The following GRAMD1B variants were observed in gnomAD, a reference collection of about 807,000 sequenced individuals.
GRAMD1B encodes protein Aster-B.
GRAMD1B carries 37 observed loss-of-function variants against 99.7 expected under a neutral mutation model. The observed-to-expected ratio is 0.37, with a 90% confidence interval of 0.29 to 0.49. The LOEUF (loss-of-function observed/expected upper bound fraction) is 0.49, where lower values mean the gene tolerates loss of function less well. GRAMD1B is among the 20% of genes least tolerant of loss of function. GRAMD1B has a pLI of 0.98. For missense variants in GRAMD1B, 888 were observed against 1,009.2 expected, an observed-to-expected ratio of 0.88 and a Z score of 1.63; for synonymous variants, 427 against 387.6, an observed-to-expected ratio of 1.10 and a Z score of -1.19.
intron 1 of GRAMD1B, among the ~76,000 whole-genome samples, chr11:123,458,068 T>C (rs190919920): frequency 2.6e-5 from 4 of 152,098 alleles, no homozygotes; most frequent in Non-Finnish European, 5.9e-5. Flanking sequence ...CCACGATAAG[T>C]GCGTATGTAT....
chr11:123,614,773 G>C lies in GRAMD1B; in HGVS notation c.2256G>C (p.Glu752Asp), dbSNP rs1214237041. The change falls in exon 17 of 20, where the codon GAG (glutamate) becomes GAC (aspartate). Residue 752 changes from glutamate to aspartate, a missense_variant. By Grantham distance (45) the Glu-to-Asp change is conservative. This residue lies in a region of GRAMD1B where 232 missense variants were observed against 261.7 expected (regional missense o/e 0.89). Transcript: ENST00000635736. ...CCACACAGACGCGGCATATCCCGGAGGACACCCCCAACGGTTTCCACCTGC... is the reference window on the plus strand; with the variant it reads ...CCACACAGACGCGGCATATCCCGGACGACACCCCCAACGGTTTCCACCTGC... The part of the protein sequence containing the change: ...AGSTQTRHIP[E>D]DTPNGFHLQS... 6.2e-7 allele frequency: 1 copy of C among 1,612,424 alleles called. No individual in the cohort carries two copies. The highest frequency in any genetic ancestry group is 8.5e-7 in the Non-Finnish European group (1 of 1,178,522).
intron 1 of GRAMD1B, among the ~76,000 whole-genome samples, chr11:123,421,125 T>C (rs908938765): frequency 7.2e-5 from 11 of 152,210 alleles, no homozygotes; most frequent in Non-Finnish European, 1.5e-5. Context: ...TCAAGTAAAA[T>C]GTATTAGGGT....
At chr11:123,405,500 C>T (rs758554411) in intron 1 of GRAMD1B, among the ~76,000 whole-genome samples, 4 of 152,148 alleles carry the variant, frequency 2.6e-5, no homozygotes, top group Non-Finnish European at 2.9e-5. Context: ...CAGTCAAGGA[C>T]GGGCACAAGG....
Position 123,544,427 on chromosome 11 carries a change from T to C in GRAMD1B, c.453-32940T>C, listed in dbSNP as rs767494082. ...CTAACTCTTTCTACTCTCTACTCTG[T>C]TCTCTTTGTGATTTCTGGGCCAATT... is the stretch of plus-strand genomic sequence containing the variant. On this transcript the variant is annotated intron_variant, in intron 2 of 19. Transcript: ENST00000635736. Among the ~76,000 whole-genome samples the C allele has an allele frequency of 1.2e-3, 178 of 152,344 alleles. 1 individual carries two copies. Among genetic ancestry groups the C allele is most frequent in the Middle Eastern group, 3.4e-3 (1 of 294 alleles).
intron 1 of GRAMD1B, among the ~76,000 whole-genome samples, chr11:123,395,815 T>C (rs534001311): frequency 6.6e-6 from 1 of 152,328 alleles, no homozygotes; most frequent in East Asian, 1.9e-4. Context: ...GGTTAGGTAA[T>C]AAAGAGACCT....
intron 2 of GRAMD1B, among the ~76,000 whole-genome samples, chr11:123,507,178 A>G (rs1247167372): frequency 6.6e-6 from 1 of 152,216 alleles, no homozygotes; most frequent in African/African-American, 2.4e-5. Flanking sequence ...CTATCAGCCC[A>G]GGAATAAAGA....
At chr11:123,359,892 T>A (rs1946080982) in intron 1 of GRAMD1B, among the ~76,000 whole-genome samples, 1 of 152,180 alleles carries the variant, frequency 6.6e-6, no homozygotes. Flanking sequence ...CCTACATGGG[T>A]ACATCACCTT....
At chr11:123,595,095 A>G (rs1326601353) in intron 6 of GRAMD1B, among the ~76,000 whole-genome samples, 2 of 152,114 alleles carry the variant, frequency 1.3e-5, no homozygotes, top group African/African-American at 2.4e-5. Flanking sequence ...ATGCAGGCAA[A>G]TATTTGGCAT....
intron 2 of GRAMD1B, among the ~76,000 whole-genome samples, chr11:123,567,613 A>G (rs1947532376): frequency 6.6e-6 from 1 of 152,204 alleles, no homozygotes; most frequent in African/African-American, 2.4e-5. Flanking sequence ...GTTCTATTGC[A>G]GGGCCTTGTC....
At chr11:123,528,885 G>C (rs1943070487) in intron 2 of GRAMD1B, among the ~76,000 whole-genome samples, 1 of 152,152 alleles carries the variant, frequency 6.6e-6, no homozygotes, top group African/African-American at 2.4e-5. Context: ...GCAACTAGTT[G>C]GTGGGGAAGC....
intron 17 of GRAMD1B, among the ~76,000 whole-genome samples, chr11:123,615,376 C>T (rs528269778): frequency 6.6e-6 from 1 of 152,342 alleles, no homozygotes; most frequent in East Asian, 1.9e-4. Flanking sequence ...ACAGTAGGCA[C>T]AGTAACTTGC....
intron 2 of GRAMD1B, among the ~76,000 whole-genome samples, chr11:123,507,353 T>C (rs765010752): frequency 4.6e-5 from 7 of 152,206 alleles, no homozygotes; most frequent in Non-Finnish European, 7.3e-5. Context: ...AAGTTTATTG[T>C]ATTCAAGACC....
intron 1 of GRAMD1B, among the ~76,000 whole-genome samples, chr11:123,454,004 C>T (rs1267406827): frequency 6.6e-6 from 1 of 152,248 alleles, no homozygotes; most frequent in Non-Finnish European, 1.5e-5. Context: ...CCTCACCTAT[C>T]CCCACCTCTA....
At chr11:123,447,549 AC>A (rs1335446910) in intron 1 of GRAMD1B, among the ~76,000 whole-genome samples, 1 of 152,150 alleles carries the variant, frequency 6.6e-6, no homozygotes, top group Non-Finnish European at 1.5e-5. Flanking sequence ...AGTCCTAGAG[AC>A]AGGCTGAGGC....
chr11:123,376,449 G>A (rs1334377174), intron 1 of GRAMD1B, among the ~76,000 whole-genome samples: 1 of 152,176 alleles, frequency 6.6e-6, no homozygotes, highest in Non-Finnish European at 1.5e-5. Context: ...TGTTTTGAAT[G>A]TTCTCTATTT....
At chr11:123,487,691 G>A (rs544666518) in intron 2 of GRAMD1B, among the ~76,000 whole-genome samples, 8 of 152,254 alleles carry the variant, frequency 5.3e-5, no homozygotes, top group Non-Finnish European at 1.0e-4. Context: ...TGCAACCTCC[G>A]CCTCCTGGGT....
At chr11:123,436,940 T>A (rs1461368813) in intron 1 of GRAMD1B, among the ~76,000 whole-genome samples, 3 of 152,162 alleles carry the variant, frequency 2.0e-5, no homozygotes, top group Non-Finnish European at 4.4e-5. Context: ...TGTGTGATGT[T>A]CCCCTTCCTG....
chr11:123,509,367 T>C (rs1298877403), intron 2 of GRAMD1B, among the ~76,000 whole-genome samples: 1 of 152,174 alleles, frequency 6.6e-6, no homozygotes, highest in Non-Finnish European at 1.5e-5. Context: ...AGGGGAGCTG[T>C]TGGGGGAAAA....
At chr11:123,548,321 T>TACACACACACAC (rs1484787385) in intron 2 of GRAMD1B, among the ~76,000 whole-genome samples, 32 of 107,202 alleles carry the variant, frequency 3.0e-4, no homozygotes, top group African/African-American at 9.8e-4. Flanking sequence ...TATATATATA[T>TACACACACACAC]ATATACACAC....
Sources: gnomAD v4.1 joint callset for allele counts (sites outside exome capture counted in the v4.1 genomes callset) on GRCh38, gnomAD v4.1.1 for gene constraint, gnomAD v4.1.1 regional missense constraint, MANE v1.5 for transcripts, NCBI Gene and HGNC (gene_info 2026-07-23, HGNC 2026-07-21) for gene names.